The following NEK6 variants were observed in gnomAD, a reference collection of about 807,000 sequenced individuals.
NEK6 encodes the protein NIMA related kinase 6.
A neutral mutation model predicts 43.5 loss-of-function variants in NEK6; 27 were observed. The ratio of observed to expected loss-of-function variants is 0.62; its 90% CI spans 0.46 to 0.86. The LOEUF (loss-of-function observed/expected upper bound fraction) is 0.86, where lower values mean the gene tolerates loss of function less well. Among genes scored for constraint, NEK6 ranks in the 40% least tolerant of loss-of-function variants. The probability of loss-of-function intolerance (pLI) is 0.00; values close to 1 mark genes in which losing one functional copy is unlikely to be tolerated. For missense variants in NEK6, 318 were observed against 414.4 expected, an observed-to-expected ratio of 0.77 and a Z score of 2.02; for synonymous variants, 167 against 164.1, an observed-to-expected ratio of 1.02 and a Z score of -0.14.
At chr9:124,284,220 A>G (rs1832049388) in intron 1 of NEK6, among the ~76,000 whole-genome samples, 1 of 152,340 alleles carries the variant, frequency 6.6e-6, no homozygotes, top group South Asian at 2.1e-4. Context: ...GTGGTGGTGC[A>G]TGTCTGTAAT....
chr9:124,324,440 G>A lies in NEK6; in HGVS notation c.406-1890G>A, dbSNP rs1834231464. On this transcript the variant is annotated intron_variant, in intron 5 of 9. Transcript: ENST00000320246. This position sits in a 1 kb window ranked among gnomAD's most constrained non-coding sequence, Gnocchi z 5.3. The stretch of plus-strand genomic sequence containing the variant: ...GCCCGAGTTATTTACGAGGAAGAGT[G>A]AAGCTAGGAGCTGCCGTAGCCCCAG... Among the ~76,000 whole-genome samples, 1 of 152,240 alleles carries A rather than the reference G, an allele frequency of 6.6e-6. No individual in the cohort carries two copies. Among genetic ancestry groups the A allele is most frequent in the African/African-American group, 2.4e-5 (1 of 41,464 alleles).
chr9:124,269,721 G>T (rs1831354374), intron 1 of NEK6, among the ~76,000 whole-genome samples: 1 of 152,196 alleles, frequency 6.6e-6, no homozygotes, highest in Non-Finnish European at 1.5e-5. Flanking sequence ...GAGTCGTGTG[G>T]AAGGGCCACT....
At chr9:124,272,154 A>G (rs1296310994) in intron 1 of NEK6, among the ~76,000 whole-genome samples, 2 of 152,174 alleles carry the variant, frequency 1.3e-5, no homozygotes, top group African/African-American at 2.4e-5. Context: ...GGTAAACGAC[A>G]TGGTATGGGG....
chr9:124,347,638 A>G (rs968508199), intron 8 of NEK6, 71 bp from the exon 9 acceptor site: 26 of 952,304 alleles, frequency 2.7e-5, no homozygotes, highest in Non-Finnish European at 4.0e-5. Flanking sequence ...AATCTGGAGC[A>G]GCCTCCTCCT....
chr9:124,328,270 G>A (rs79140069), intron 7 of NEK6, among the ~76,000 whole-genome samples: 2,831 of 152,228 alleles, frequency 0.019, 78 homozygotes, highest in African/African-American at 0.064. Context: ...GAAAGCCCCC[G>A]CTTCCCCACC....
intron 9 of NEK6, among the ~76,000 whole-genome samples, chr9:124,349,403 C>G (rs1432927249): frequency 6.6e-6 from 1 of 152,198 alleles, no homozygotes; most frequent in Non-Finnish European, 1.5e-5. Context: ...GAGTCGCCCT[C>G]TCTACTTCAG....
At chr9:124,295,186 T>C (rs1445409760) in intron 1 of NEK6, among the ~76,000 whole-genome samples, 1 of 152,224 alleles carries the variant, frequency 6.6e-6, no homozygotes, top group Non-Finnish European at 1.5e-5. Context: ...CCCTGCACCT[T>C]AGAGCAGCCA....
chr9:124,325,200 A>G (rs1230360575), intron 5 of NEK6, among the ~76,000 whole-genome samples: 1 of 149,262 alleles, frequency 6.7e-6, no homozygotes, highest in African/African-American at 2.5e-5. Context: ...TGGGCTAAGG[A>G]CTTGGGCTTT....
At chr9:124,292,513 A>G (rs1301145179) in intron 1 of NEK6, 3 of 1,536,880 alleles carry the variant, frequency 2.0e-6, no homozygotes, top group Non-Finnish European at 2.6e-6. Context: ...ACTGGATGGG[A>G]TTCTAGATGC....
At chr9:124,325,895 G>A (rs1834307633) in intron 5 of NEK6, among the ~76,000 whole-genome samples, 1 of 152,214 alleles carries the variant, frequency 6.6e-6, no homozygotes, top group Non-Finnish European at 1.5e-5. Flanking sequence ...CGTGTGTCCT[G>A]GGTGCCACCC....
intron 9 of NEK6, among the ~76,000 whole-genome samples, chr9:124,349,367 T>A (rs1457583323): frequency 1.3e-5 from 2 of 152,236 alleles, no homozygotes; most frequent in African/African-American, 4.8e-5. Context: ...GACAACTCTG[T>A]GCTTTGGCTG....
intron 1 of NEK6, chr9:124,291,894 T>C (rs1832437955): frequency 1.0e-6 from 1 of 984,928 alleles, no homozygotes; most frequent in Admixed American, 6.2e-5. Context: ...GGTGGGGGAG[T>C]TTCCTTTTGG....
At chr9:124,263,639 G>A (rs1354675328) in intron 1 of NEK6, among the ~76,000 whole-genome samples, 1 of 152,216 alleles carries the variant, frequency 6.6e-6, no homozygotes, top group South Asian at 2.1e-4. Context: ...CCCTTGGTCC[G>A]TGGCCCAGAG....
chr9:124,260,959 C>T (rs1048041020), intron 1 of NEK6: 1 of 152,310 alleles, frequency 6.6e-6, no homozygotes, highest in African/African-American at 2.4e-5. Context: ...GGCTGGATGC[C>T]TGGCCTGTGC....
chr9:124,302,172 C>T, intron 2 of NEK6, 118 bp downstream of exon 2: 1 of 673,328 alleles, frequency 1.5e-6, no homozygotes, highest in Non-Finnish European at 2.5e-6. Context: ...GAAACAGAAC[C>T]TCTTGAATGC....
intron 1 of NEK6, among the ~76,000 whole-genome samples, chr9:124,264,026 C>T (rs943901830): frequency 6.6e-6 from 1 of 152,102 alleles, no homozygotes; most frequent in African/African-American, 2.4e-5. Flanking sequence ...CTGACAGGAG[C>T]GGCTGTCACA....
Position 124,350,890 on chromosome 9 carries a change from C to T in NEK6, c.885C>T (p.Asp295=). The T allele has an allele frequency of 6.2e-7, 1 of 1,612,464 alleles. No homozygotes were observed. The highest frequency in any genetic ancestry group is 1.1e-5 in the South Asian group (1 of 91,086). The change falls in exon 10 of 10, where the codon GAC becomes GAT. Residue 295 remains aspartate, a synonymous_variant. Transcript: ENST00000320246. ...GCCCTGACCCCCACCAGAGACCTGA[C>T]ATCGGATACGTGCACCAGGTGGCCA... The part of the protein sequence containing the change: ...CICPDPHQRP[D]IGYVHQVAKQ...
At chr9:124,321,330 G>T in intron 4 of NEK6, 129 bp from the exon 5 acceptor site, 1 of 622,840 alleles carries the variant, frequency 1.6e-6, no homozygotes, top group Non-Finnish European at 2.9e-6. Flanking sequence ...TTCTTTCCCT[G>T]GGACCCACTT....
At chr9:124,271,383 G>A (rs1831431326) in intron 1 of NEK6, among the ~76,000 whole-genome samples, 1 of 152,248 alleles carries the variant, frequency 6.6e-6, no homozygotes, top group Non-Finnish European at 1.5e-5. Flanking sequence ...AAAATGGGGA[G>A]GCTCAGCACC....
Sources: gnomAD v4.1 joint callset for allele counts (sites outside exome capture counted in the v4.1 genomes callset) on GRCh38, gnomAD v4.1.1 for gene constraint, Gnocchi (gnomAD v3.1) non-coding constraint, MANE v1.5 for transcripts, NCBI Gene and HGNC (gene_info 2026-07-23, HGNC 2026-07-21) for gene names.